POU2F1: variants seen among roughly 807,000 people sequenced by gnomAD.
The protein encoded by POU2F1 is POU class 2 homeobox 1.
In POU2F1, 16 loss-of-function variants were observed where a neutral mutation model predicts 84.9. The observed-to-expected ratio is 0.19, with a 90% CI of 0.13 to 0.29. The LOEUF is 0.29. Ranked by LOEUF, POU2F1 falls within the 10% of genes least tolerant of loss-of-function variation. POU2F1 has a pLI of 1.00. For missense variants in POU2F1, 738 were observed against 942.6 expected (o/e 0.78, Z 2.84); for synonymous variants, 368 against 368.3 (o/e 1.00, Z 0.01).
intron 9 of POU2F1, among the ~76,000 whole-genome samples, chr1:167,391,778 G>A (rs923317373): frequency 4.0e-5 from 6 of 150,958 alleles, no homozygotes; most frequent in Non-Finnish European, 8.9e-5. Flanking sequence ...AGCTGGTCTC[G>A]AACTCCTGGG....
At chr1:167,261,111 A>T (rs576023968) in intron 1 of POU2F1, among the ~76,000 whole-genome samples, 8 of 152,222 alleles carry the variant, frequency 5.3e-5, no homozygotes, top group African/African-American at 1.9e-4. Flanking sequence ...TTTGAATAGG[A>T]GAGTGGTTCC....
intron 2 of POU2F1, chr1:167,337,947 C>T (rs1657582377): frequency 2.7e-6 from 1 of 368,752 alleles, no homozygotes. Context: ...CTATTAAAGA[C>T]TGCTTTTTGC....
At chr1:167,299,122 C>A in intron 1 of POU2F1, among the ~76,000 whole-genome samples, 1 of 140,394 alleles carries the variant, frequency 7.1e-6, no homozygotes, top group Non-Finnish European at 1.5e-5. Flanking sequence ...GATATCGCAC[C>A]ATTGCACTCC....
intron 1 of POU2F1, among the ~76,000 whole-genome samples, chr1:167,251,515 G>A (rs1489067855): frequency 6.6e-6 from 1 of 152,220 alleles, no homozygotes; most frequent in East Asian, 1.9e-4. Context: ...GAGTATGGAG[G>A]GAAATATACT....
chr1:167,372,410 A>G (rs1288870443), intron 5 of POU2F1, among the ~76,000 whole-genome samples: 1 of 152,190 alleles, frequency 6.6e-6, no homozygotes, highest in Non-Finnish European at 1.5e-5. Context: ...AAGTTAAAGA[A>G]TGGATTAGTA....
Position 167,422,325 on chromosome 1 carries a change from G to T in POU2F1, c.*6515G>T, listed in dbSNP as rs1402816878. On this transcript the variant is annotated 3_prime_UTR_variant, in exon 16 of 16. Transcript: ENST00000367866. ...AGTGATTGATGTATCTTAAATCTAG[G>T]AAAGTTAAAGTGAAACAGGTTCTTT... is the stretch of plus-strand genomic sequence containing the variant. 1 of 152,218 alleles carries T rather than the reference G, an allele frequency of 6.6e-6. No individual in the cohort carries two copies. Among genetic ancestry groups the T allele is most frequent in the Non-Finnish European group, 1.5e-5 (1 of 68,048 alleles). 9.4% of individuals were successfully genotyped at this position (152,218 alleles called of 1,614,324 possible).
At chr1:167,373,314 G>A (rs1660126789) in intron 5 of POU2F1, among the ~76,000 whole-genome samples, 1 of 152,156 alleles carries the variant, frequency 6.6e-6, no homozygotes, top group African/African-American at 2.4e-5. Context: ...GAAATAAGTT[G>A]CATTATGAAA....
chr1:167,233,959 A>AC (rs1254647467), intron 1 of POU2F1, among the ~76,000 whole-genome samples: 15 of 152,136 alleles, frequency 9.9e-5, no homozygotes, highest in South Asian at 2.1e-4. Flanking sequence ...AATTACAGTG[A>AC]CCCCCATGGG....
At chr1:167,282,653 A>G (rs1653238894) in intron 1 of POU2F1, among the ~76,000 whole-genome samples, 1 of 151,762 alleles carries the variant, frequency 6.6e-6, no homozygotes, top group Admixed American at 6.6e-5. Context: ...CATCCCTGTC[A>G]CACCTCATTT....
intron 1 of POU2F1, among the ~76,000 whole-genome samples, chr1:167,230,737 C>T (rs182042938): frequency 2.0e-4 from 31 of 152,264 alleles, no homozygotes; most frequent in Admixed American, 3.9e-4. Context: ...CTATTTTCTT[C>T]TCTAATTGAT....
At chr1:167,261,452 T>C (rs1571187132) in intron 1 of POU2F1, among the ~76,000 whole-genome samples, 1 of 152,182 alleles carries the variant, frequency 6.6e-6, no homozygotes, top group African/African-American at 2.4e-5. Context: ...GTCCTCTGCA[T>C]GGGTTATTTT....
intron 1 of POU2F1, among the ~76,000 whole-genome samples, chr1:167,259,546 C>T (rs1651395481): frequency 6.6e-6 from 1 of 152,122 alleles, no homozygotes; most frequent in African/African-American, 2.4e-5. Flanking sequence ...ATATATCTCC[C>T]TGTGCGTACA....
In POU2F1 at chr1:167,409,445, A is replaced by G. The variant is rs990156741; in HGVS notation, c.1556-2514A>G. Among the ~76,000 whole-genome samples, 11 of 152,216 alleles carry G rather than the reference A, an allele frequency of 7.2e-5. No homozygotes were observed. The East Asian group carries it at 1.2e-3, about 16-fold the overall frequency. On this transcript the variant is annotated intron_variant, in intron 13 of 15. Transcript: ENST00000367866. ...TCAGCAACAATAAGTTCACTAGTCA[A>G]AGTTACCCAAGTAATTAAATTGCCA...
chr1:167,270,531 GGA>G (rs1352944219), intron 1 of POU2F1, among the ~76,000 whole-genome samples: 1 of 152,112 alleles, frequency 6.6e-6, no homozygotes, highest in Non-Finnish European at 1.5e-5. Flanking sequence ...GAATCTCAGA[GGA>G]GAGAGAGAAG....
At chr1:167,343,166 A>T (rs1463474428) in intron 2 of POU2F1, among the ~76,000 whole-genome samples, 1 of 152,154 alleles carries the variant, frequency 6.6e-6, no homozygotes, top group Non-Finnish European at 1.5e-5. Context: ...GGTGGGGGTC[A>T]AGGGGGAGAA....
rs530102242 is a variant in POU2F1 at position 167,281,855 on chromosome 1, A to C, written c.62-50615A>C. Among the ~76,000 whole-genome samples the C allele has an allele frequency of 4.6e-5, 7 of 152,294 alleles. No individual in the cohort carries two copies. In the South Asian group the frequency reaches 1.0e-3, roughly 23 times the overall value. On this transcript the variant is annotated intron_variant, in intron 1 of 15. Transcript: ENST00000367866. The stretch of plus-strand genomic sequence containing the variant: ...TCTGTTGAACTTCTCTCAACGGTGC[A>C]TCACATTAAACATATCCAAACTCAT...
chr1:167,392,924 T>C (rs1016954889), intron 9 of POU2F1, among the ~76,000 whole-genome samples: 3 of 152,230 alleles, frequency 2.0e-5, no homozygotes, highest in African/African-American at 7.2e-5. Context: ...ATTAAAGTTA[T>C]TTGCTGAAAC....
At chr1:167,364,201 C>G (rs1659519112) in intron 2 of POU2F1, among the ~76,000 whole-genome samples, 1 of 152,142 alleles carries the variant, frequency 6.6e-6, no homozygotes, top group Non-Finnish European at 1.5e-5. Context: ...GCATGTCTTT[C>G]CATAAATTAG....
At chr1:167,295,150 C>T (rs111771369) in intron 1 of POU2F1, among the ~76,000 whole-genome samples, 6,542 of 151,630 alleles carry the variant, frequency 0.043, 177 homozygotes, top group African/African-American at 0.078. Flanking sequence ...AGTAGAAATA[C>T]CATTCTATCC....
Sources: allele counts gnomAD v4.1 joint callset (sites outside exome capture counted in the v4.1 genomes callset), GRCh38; gene constraint gnomAD v4.1.1; transcripts MANE v1.5; gene names NCBI Gene and HGNC (gene_info 2026-07-23, HGNC 2026-07-21).